The following HDHD5 variants were observed in gnomAD, a reference collection of about 807,000 sequenced individuals.
HDHD5 encodes the protein haloacid dehalogenase-like hydrolase domain-containing 5.
Under a neutral mutation model 35.5 loss-of-function variants are expected in HDHD5, and 34 were observed. That is an observed-to-expected ratio of 0.96 (90% CI 0.73 to 1.28). HDHD5 has a LOEUF of 1.28. Ranked by LOEUF, HDHD5 falls within the 50% of genes most tolerant of loss-of-function variation. The pLI, the probability that HDHD5 is intolerant of heterozygous loss-of-function variation, is 0.00. For synonymous variants in HDHD5, 248 were observed against 240.6 expected (o/e 1.03, Z -0.29); for missense variants, 589 against 560.2 (o/e 1.05, Z -0.52).
At chr22:17,147,663 A>G (rs174789) in intron 3 of HDHD5, among the ~76,000 whole-genome samples, 4 of 107,540 alleles carry the variant, frequency 3.7e-5, no homozygotes, top group Admixed American at 2.4e-4. Context: ...CACCTGTGGC[A>G]CACTCCTGTG....
rs1301639622 is a variant in HDHD5, at chr22:17,148,456, A to AT, written c.434dup (p.Asn145LysfsTer15). 3.1e-6 allele frequency: 5 copies of AT among 1,613,672 alleles called. No individual in the cohort carries two copies. The highest frequency in any genetic ancestry group is 3.4e-6 in the Non-Finnish European group (4 of 1,179,776). On this transcript the variant is annotated frameshift_variant, in exon 3 of 8. Transcript: ENST00000336737. LOFTEE classifies it high-confidence loss of function. ...TAAGACCAAAAGGATACCCCTGGGC[A>AT]TTTTCCATCACGGGCCCCTGTCCAG...
chr22:17,138,833 C>T, intron 6 of HDHD5, 95 bp from the exon 7 acceptor site: 6 of 1,353,848 alleles, frequency 4.4e-6, no homozygotes, highest in Non-Finnish European at 6.2e-6. Context: ...AACACACAGA[C>T]CAGCCTTTTC....
chr22:17,159,295 C>A (rs1406523193), upstream of HDHD5: 41 of 1,236,796 alleles, frequency 3.3e-5, 1 homozygote, highest in Non-Finnish European at 3.9e-5. Flanking sequence ...GGCCCCCCCC[C>A]CCCGCGAGTC....
chr22:17,164,848 C>G (rs915679790), intron 1 of HDHD5, among the ~76,000 whole-genome samples: 2 of 152,192 alleles, frequency 1.3e-5, no homozygotes, highest in Non-Finnish European at 2.9e-5. Context: ...CAGTAGGAGG[C>G]AGACGAAAGA....
intron 3 of HDHD5, among the ~76,000 whole-genome samples, chr22:17,148,216 T>C (rs1325618867): frequency 6.6e-6 from 1 of 152,152 alleles, no homozygotes; most frequent in Non-Finnish European, 1.5e-5. Context: ...CTGGGATCTG[T>C]ATTTTAAGCT....
chr22:17,159,512 C>CGGT (rs1156355859), upstream of HDHD5: 4 of 468,422 alleles, frequency 8.5e-6, no homozygotes, highest in Non-Finnish European at 1.7e-5. Flanking sequence ...ACGGCCTGGG[C>CGGT]GGCGGCGTCC....
At chr22:17,147,436 C>CCGG (rs1463209849) in intron 3 of HDHD5, among the ~76,000 whole-genome samples, 1 of 136,998 alleles carries the variant, frequency 7.3e-6, no homozygotes. Context: ...TGTGAGCTTA[C>CCGG]CGGCCTTCAC....
At chr22:17,153,557 T>G (rs2061752595) in intron 1 of HDHD5, among the ~76,000 whole-genome samples, 1 of 152,188 alleles carries the variant, frequency 6.6e-6, no homozygotes, top group Non-Finnish European at 1.5e-5. Flanking sequence ...GGTCCTAACC[T>G]AGGCCCACAG....
At chr22:17,144,925 C>T in intron 4 of HDHD5, 99 bp downstream of exon 4, 2 of 1,402,292 alleles carry the variant, frequency 1.4e-6, no homozygotes, top group Admixed American at 1.9e-5. Context: ...GGACAAATCA[C>T]AGCTCTGCAG....
upstream of HDHD5, among the ~76,000 whole-genome samples, chr22:17,160,502 A>G (rs2061855501): frequency 6.6e-6 from 1 of 151,884 alleles, no homozygotes; most frequent in South Asian, 2.1e-4. Flanking sequence ...TGCAAAAATT[A>G]GCCAGGCGCG....
At chr22:17,164,837 C>T (rs779228751) in intron 1 of HDHD5, among the ~76,000 whole-genome samples, 4 of 152,194 alleles carry the variant, frequency 2.6e-5, no homozygotes, top group Admixed American at 6.5e-5. Context: ...CTACCTCACA[C>T]CAGTAGGAGG....
upstream of HDHD5, among the ~76,000 whole-genome samples, chr22:17,163,083 C>T (rs1014290854): frequency 6.6e-6 from 1 of 152,206 alleles, no homozygotes; most frequent in Non-Finnish European, 1.5e-5. Flanking sequence ...TATATGAGCA[C>T]GTCTTCTGAG....
intron 6 of HDHD5, among the ~76,000 whole-genome samples, chr22:17,140,734 C>T (rs971832628): frequency 4.6e-5 from 7 of 152,150 alleles, no homozygotes; most frequent in East Asian, 1.9e-4. Context: ...TGCACAGATA[C>T]GGTACAAAAA....
chr22:17,156,938 CGT>C (rs2061799568), intron 1 of HDHD5, among the ~76,000 whole-genome samples: 2 of 151,808 alleles, frequency 1.3e-5, no homozygotes, highest in African/African-American at 4.8e-5. Flanking sequence ...ATTAGCTGGG[CGT>C]GGTGGCAGGC....
intron 4 of HDHD5, among the ~76,000 whole-genome samples, chr22:17,144,715 A>AT: frequency 6.6e-6 from 1 of 151,084 alleles, no homozygotes; most frequent in Non-Finnish European, 1.5e-5. Context: ...TGCCTGGACA[A>AT]TTTTTTAAAT....
chr22:17,148,817 C>T (rs1236180043), intron 2 of HDHD5, among the ~76,000 whole-genome samples: 4 of 152,160 alleles, frequency 2.6e-5, no homozygotes, highest in Non-Finnish European at 5.9e-5. Flanking sequence ...CACTTGCCAC[C>T]GCTACCCCGT....
At chr22:17,157,152 T>C (rs1475065331) in intron 1 of HDHD5, among the ~76,000 whole-genome samples, 3 of 150,596 alleles carry the variant, frequency 2.0e-5, no homozygotes, top group Non-Finnish European at 3.0e-5. Context: ...TAAATGAAGA[T>C]ATATTTAGTA....
chr22:17,157,190 CTAAG>C (rs1480129662), intron 1 of HDHD5, among the ~76,000 whole-genome samples: 2 of 151,044 alleles, frequency 1.3e-5, no homozygotes, highest in African/African-American at 4.9e-5. Context: ...GTGTTTTAAA[CTAAG>C]TGCTATTACA....
rs1007218078 is a variant in HDHD5 at position 17,137,585 on chromosome 22, A to C, written c.*436T>G. The C allele has an allele frequency of 6.3e-6, 1 of 157,790 alleles. No homozygotes were observed. Among genetic ancestry groups the C allele is most frequent in the African/African-American group, 2.4e-5 (1 of 41,608 alleles). 9.8% of individuals were successfully genotyped at this position (157,790 alleles called of 1,614,324 possible). ...AAAAAGCCCCACATCTCCGGGCAATAAACTACAATACAGTAAAAAGTAGCA... is the reference window on the plus strand; with the variant it reads ...AAAAAGCCCCACATCTCCGGGCAATCAACTACAATACAGTAAAAAGTAGCA... On this transcript the variant is annotated 3_prime_UTR_variant, in exon 8 of 8. Transcript: ENST00000336737.
Sources: allele counts gnomAD v4.1 joint callset (sites outside exome capture counted in the v4.1 genomes callset), GRCh38; gene constraint gnomAD v4.1.1; transcripts MANE v1.5; gene names NCBI Gene and HGNC (gene_info 2026-07-23, HGNC 2026-07-21).